GRID2: variants seen among roughly 807,000 people sequenced by gnomAD.
GRID2 encodes the protein glutamate receptor ionotropic, delta-2.
Under a neutral mutation model 114.8 loss-of-function variants are expected in GRID2, and 33 were observed. The observed-to-expected ratio is 0.29, with a 90% confidence interval of 0.22 to 0.38. The LOEUF (loss-of-function observed/expected upper bound fraction) is 0.38, where lower values mean the gene tolerates loss of function less well. Ranked by LOEUF, GRID2 falls within the 10% of genes least tolerant of loss-of-function variation. GRID2 has a pLI of 1.00. For synonymous variants in GRID2, 505 were observed against 449.9 expected (o/e 1.12, Z -1.55); for missense variants, 1,184 against 1,257.7 (o/e 0.94, Z 0.89).
At chr4:92,442,025 A>AT (rs1733119694) in intron 1 of GRID2, among the ~76,000 whole-genome samples, 1 of 151,736 alleles carries the variant, frequency 6.6e-6, no homozygotes, top group African/African-American at 2.4e-5. Flanking sequence ...GGGGAGTTGT[A>AT]AGAGGTTTAG....
At chr4:92,986,551 A>G (rs925571093) in intron 2 of GRID2, among the ~76,000 whole-genome samples, 4 of 152,146 alleles carry the variant, frequency 2.6e-5, no homozygotes, top group Non-Finnish European at 5.9e-5. Flanking sequence ...CTACTTTGGT[A>G]GCACACCACT....
chr4:93,399,060 C>A (rs760805452), intron 9 of GRID2, among the ~76,000 whole-genome samples: 2 of 151,976 alleles, frequency 1.3e-5, no homozygotes, highest in Non-Finnish European at 2.9e-5. Context: ...GGCTTTACCT[C>A]ACTAAACCCT....
intron 8 of GRID2, among the ~76,000 whole-genome samples, chr4:93,262,902 AT>A (rs916796605): frequency 6.6e-6 from 1 of 151,224 alleles, no homozygotes; most frequent in South Asian, 2.1e-4. Flanking sequence ...TTACTATTAA[AT>A]TTTTTTTTCC....
chr4:92,356,409 T>C (rs928027059), intron 1 of GRID2, among the ~76,000 whole-genome samples: 1 of 151,594 alleles, frequency 6.6e-6, no homozygotes, highest in Non-Finnish European at 1.5e-5. Flanking sequence ...GAAAACGTTC[T>C]ATTTTAATGA....
intron 13 of GRID2, among the ~76,000 whole-genome samples, chr4:93,541,595 G>A (rs763605227): frequency 1.1e-4 from 15 of 140,354 alleles, no homozygotes; most frequent in African/African-American, 3.9e-4. Flanking sequence ...CAAACATTTT[G>A]TAGTCATTTA....
chr4:93,184,439 G>A (rs1420945176), intron 4 of GRID2, among the ~76,000 whole-genome samples: 1 of 141,434 alleles, frequency 7.1e-6, no homozygotes, highest in Non-Finnish European at 1.5e-5. Flanking sequence ...CTTTCTTCAT[G>A]TAAGTGATCA....
intron 14 of GRID2, among the ~76,000 whole-genome samples, chr4:93,717,567 A>G (rs796591643): frequency 4.6e-5 from 7 of 152,308 alleles, no homozygotes; most frequent in African/African-American, 1.7e-4. Context: ...GCATGGAAAA[A>G]AAGCCATTTT....
intron 8 of GRID2, among the ~76,000 whole-genome samples, chr4:93,338,335 G>A (rs189710056): frequency 1.3e-5 from 2 of 152,192 alleles, no homozygotes; most frequent in East Asian, 1.9e-4. Flanking sequence ...TATATGCGGT[G>A]CAGGATGATC....
rs185242540 is a variant in GRID2, at chr4:92,905,301, C to G, written c.245-179694C>G. Reference sequence around the variant, plus strand: ...CCATTGAATAAATTAATTCCACACACAAGTTTTAAGTTCCTAAAGTCTTTA... The same window carrying G: ...CCATTGAATAAATTAATTCCACACAGAAGTTTTAAGTTCCTAAAGTCTTTA... On this transcript the variant is annotated intron_variant, in intron 2 of 15. Coordinates refer to ENST00000282020, the MANE Select transcript of GRID2 (RefSeq NM_001510.4). 4.1e-3 allele frequency among the ~76,000 whole-genome samples: 622 copies of G among 152,116 alleles called. 7 individuals are homozygous for G. The highest frequency in any genetic ancestry group is 0.014 in the African/African-American group (587 of 41,538).
chr4:92,411,811 T>C (rs1434127317), intron 1 of GRID2, among the ~76,000 whole-genome samples: 1 of 151,648 alleles, frequency 6.6e-6, no homozygotes, highest in Non-Finnish European at 1.5e-5. Context: ...GTTCACGCCA[T>C]TCTCCTGCCT....
intron 2 of GRID2, among the ~76,000 whole-genome samples, chr4:92,995,147 G>A (rs534522125): frequency 2.0e-5 from 3 of 152,264 alleles, no homozygotes; most frequent in Non-Finnish European, 4.4e-5. Flanking sequence ...CTCCTCTAGT[G>A]GGCAGAGACA....
intron 2 of GRID2, among the ~76,000 whole-genome samples, chr4:92,903,303 G>T (rs1056241367): frequency 6.6e-6 from 1 of 151,542 alleles, no homozygotes; most frequent in Non-Finnish European, 1.5e-5. Context: ...TGTGAACTCA[G>T]GCAGATACTA....
chr4:93,256,091 T>A (rs931512838), intron 8 of GRID2, among the ~76,000 whole-genome samples: 1 of 152,244 alleles, frequency 6.6e-6, no homozygotes, highest in Non-Finnish European at 1.5e-5. Flanking sequence ...CTACACTTCT[T>A]CCTATTCTTT....
chr4:93,469,598 GC>G (rs1315173691), intron 11 of GRID2, among the ~76,000 whole-genome samples: 3 of 151,878 alleles, frequency 2.0e-5, no homozygotes, highest in Non-Finnish European at 4.4e-5. Flanking sequence ...CCTTACCAAG[GC>G]CAACTCTTTC....
chr4:93,616,691 C>A (rs1458843316), intron 13 of GRID2, among the ~76,000 whole-genome samples: 1 of 150,106 alleles, frequency 6.7e-6, no homozygotes, highest in Non-Finnish European at 1.5e-5. Flanking sequence ...ATAGAATATG[C>A]AGGTAGAGGG....
intron 9 of GRID2, 151 bp downstream of exon 9, chr4:93,395,859 C>T (rs1765281616): frequency 2.0e-6 from 1 of 494,726 alleles, no homozygotes; most frequent in Non-Finnish European, 3.7e-6. Context: ...TATTTCACAG[C>T]CTTCAATTTA....
At chr4:93,686,264 G>A (rs1057488667) in intron 14 of GRID2, among the ~76,000 whole-genome samples, 1 of 151,940 alleles carries the variant, frequency 6.6e-6, no homozygotes, top group East Asian at 1.9e-4. Flanking sequence ...GTACCATCCA[G>A]TGAATCCCTA....
chr4:92,374,054 C>T (rs1422974994), intron 1 of GRID2, among the ~76,000 whole-genome samples: 13 of 151,984 alleles, frequency 8.6e-5, no homozygotes, highest in African/African-American at 3.1e-4. Flanking sequence ...CCACCCCAAC[C>T]GTCTAAATGG....
At chr4:93,658,586 C>G (rs1723218112) in intron 14 of GRID2, among the ~76,000 whole-genome samples, 1 of 152,096 alleles carries the variant, frequency 6.6e-6, no homozygotes, top group South Asian at 2.1e-4. Flanking sequence ...AGTTGGTATT[C>G]AAACCCTTAT....
Sources: gnomAD v4.1 joint callset for allele counts (sites outside exome capture counted in the v4.1 genomes callset) on GRCh38, gnomAD v4.1.1 for gene constraint, MANE v1.5 for transcripts, NCBI Gene and HGNC (gene_info 2026-07-23, HGNC 2026-07-21) for gene names.